The following WDR93 variants were observed in gnomAD, a reference collection of about 807,000 sequenced individuals.
The protein encoded by WDR93 is WD repeat domain 93.
Under a neutral mutation model 82.9 loss-of-function variants are expected in WDR93, and 73 were observed. That is an observed-to-expected ratio of 0.88 (90% CI 0.73 to 1.07). WDR93 has a LOEUF of 1.07. Ranked by LOEUF, WDR93 falls within the 50% of genes least tolerant of loss-of-function variation. The pLI, the probability that WDR93 is intolerant of heterozygous loss-of-function variation, is 0.00. For missense variants in WDR93, 738 were observed against 826.0 expected (o/e 0.89, Z 1.31); for synonymous variants, 283 against 300.1 (o/e 0.94, Z 0.59).
chr15:89,722,237 C>A, intron 8 of WDR93, 98 bp downstream of exon 8: 1 of 1,006,010 alleles, frequency 9.9e-7, no homozygotes, highest in Non-Finnish European at 1.4e-6. Context: ...GCAACGATAT[C>A]AAAATTACAA....
chr15:89,697,076 C>T (rs1965214333), intron 1 of WDR93, among the ~76,000 whole-genome samples: 1 of 152,124 alleles, frequency 6.6e-6, no homozygotes. Context: ...TCAAGCAATC[C>T]TCCTACCTCA....
In WDR93 at chr15:89,727,287, C is replaced by T. The variant is rs763528765; in HGVS notation, c.1011C>T (p.Tyr337=). 1.5e-5 allele frequency: 24 copies of T among 1,614,102 alleles called. No homozygotes were observed. The highest frequency in any genetic ancestry group is 1.9e-5 in the Non-Finnish European group (23 of 1,179,992). ...AAGCTGAGATCTTCAACGCTTCCTA[C>T]AAGAAGTACCTAGATAGGGAGTGGG... ...EQQAEIFNAS[Y]KKYLDREWEE... is the part of the protein sequence containing the mutation. Residue 337 remains tyrosine, a synonymous_variant, in exon 9 of 17, where the codon TAC becomes TAT. Coordinates refer to ENST00000268130, the MANE Select transcript of WDR93 (RefSeq NM_020212.2).
chr15:89,723,887 A>T (rs1286420950), intron 8 of WDR93, among the ~76,000 whole-genome samples: 1 of 152,200 alleles, frequency 6.6e-6, no homozygotes, highest in Non-Finnish European at 1.5e-5. Context: ...CAAAGCAGTA[A>T]AGCTTTTAGA....
chr15:89,740,367 T>C (rs957632996), intron 16 of WDR93, among the ~76,000 whole-genome samples: 1 of 152,148 alleles, frequency 6.6e-6, no homozygotes, highest in Non-Finnish European at 1.5e-5. Context: ...TGCCTATTCG[T>C]CAGGAGACGA....
intron 1 of WDR93, among the ~76,000 whole-genome samples, chr15:89,694,192 T>A (rs1567091602): frequency 6.6e-6 from 1 of 152,146 alleles, no homozygotes; most frequent in Non-Finnish European, 1.5e-5. Context: ...TATATCTTCT[T>A]TGGTTAAGTA....
At position 89,701,934 on chromosome 15, in the gene WDR93, T is replaced by C. The variant is rs1159906935; in HGVS notation, c.188T>C (p.Leu63Pro). The change falls in exon 2 of 17, where the codon CTG becomes CCG. Residue 63 changes from leucine (L) to proline (P), a missense_variant. By Grantham distance (98) the Leu-to-Pro change is moderately conservative. Coordinates refer to ENST00000268130, the MANE Select transcript of WDR93 (RefSeq NM_020212.2). ...CAGCCTTATCGAATGATCAACAAGC[T>C]GGTGAACCTTCTGTTTGACCAGTCT... ...LPQPYRMINKLVNLLFDQSWE... is the reference protein window; with the variant it reads ...LPQPYRMINKPVNLLFDQSWE... 5 of 1,614,164 alleles carry C rather than the reference T, an allele frequency of 3.1e-6. No homozygotes were observed. The highest frequency in any genetic ancestry group is 1.7e-4 in the Middle Eastern group (1 of 6,050).
chr15:89,723,214 A>G (rs1966598022), intron 8 of WDR93, among the ~76,000 whole-genome samples: 1 of 150,878 alleles, frequency 6.6e-6, no homozygotes, highest in Non-Finnish European at 1.5e-5. Flanking sequence ...ATAAATAAAT[A>G]AATAAATAAA....
intron 13 of WDR93, among the ~76,000 whole-genome samples, chr15:89,735,018 G>A (rs889897203): frequency 3.6e-5 from 5 of 138,194 alleles, no homozygotes; most frequent in Admixed American, 1.5e-4. Flanking sequence ...CTTTCCTTCC[G>A]TGCATCCTTC....
At chr15:89,712,963 A>G (rs1396512051) in intron 5 of WDR93, among the ~76,000 whole-genome samples, 2 of 152,120 alleles carry the variant, frequency 1.3e-5, no homozygotes, top group Non-Finnish European at 2.9e-5. Flanking sequence ...GTCTCTACTA[A>G]AAATACAACA....
intron 1 of WDR93, among the ~76,000 whole-genome samples, chr15:89,695,755 G>A (rs1965135267): frequency 7.1e-6 from 1 of 140,284 alleles, no homozygotes; most frequent in African/African-American, 2.7e-5. Context: ...ACAGCTTTAT[G>A]TTTTTCTTTC....
In WDR93 at chr15:89,735,263, C is replaced by A. The variant is rs149824009; in HGVS notation, c.1545-227C>A. Among the ~76,000 whole-genome samples, 5 of 152,256 alleles carry A rather than the reference C, an allele frequency of 3.3e-5. No individual in the cohort carries two copies. In the East Asian group the frequency reaches 9.6e-4, roughly 29 times the overall value. On this transcript the variant is annotated intron_variant, in intron 13 of 16. Coordinates refer to ENST00000268130, the MANE Select transcript of WDR93 (RefSeq NM_020212.2). The stretch of plus-strand genomic sequence containing the variant: ...CATGTTGATGCATGTAGCTCCAGTT[C>A]TTTTATTTTCATTACCATATTATAT...
At chr15:89,710,248 CAATAATA>C (rs1370319488) in intron 4 of WDR93, among the ~76,000 whole-genome samples, 2 of 152,078 alleles carry the variant, frequency 1.3e-5, no homozygotes, top group Non-Finnish European at 2.9e-5. Flanking sequence ...CACTAATCGG[CAATAATA>C]AATAATAAAC....
At chr15:89,724,773 T>G (rs1190844253) in intron 8 of WDR93, among the ~76,000 whole-genome samples, 1 of 152,168 alleles carries the variant, frequency 6.6e-6, no homozygotes, top group Non-Finnish European at 1.5e-5. Context: ...GCGTAACACA[T>G]TCACTAGGAT....
At chr15:89,696,476 T>TTGG (rs60440150) in intron 1 of WDR93, among the ~76,000 whole-genome samples, 104 of 151,430 alleles carry the variant, frequency 6.9e-4, no homozygotes, top group Non-Finnish European at 9.0e-4. Context: ...TGAACTTACA[T>TTGG]TGGTGGTGGT....
chr15:89,701,725 G>A lies in WDR93; in HGVS notation c.-22G>A, dbSNP rs1965473466. On this transcript the variant is annotated 5_prime_UTR_variant, in exon 2 of 17. Transcript: ENST00000268130. ...TTATCAGCTTTTCAGTTTCATAGAGGTTCCCAGTGCCACCTTCTGTGATGT... is the reference window on the plus strand; with the variant it reads ...TTATCAGCTTTTCAGTTTCATAGAGATTCCCAGTGCCACCTTCTGTGATGT... 4 of 1,598,320 alleles carry A rather than the reference G, an allele frequency of 2.5e-6. No individual in the cohort carries two copies. The highest frequency in any genetic ancestry group is 4.5e-5 in the East Asian group (2 of 44,492).
At chr15:89,735,449 T>C (rs762027504) in intron 13 of WDR93, 41 bp from the exon 14 acceptor site, 2 of 1,603,796 alleles carry the variant, frequency 1.2e-6, no homozygotes, top group Non-Finnish European at 1.7e-6. Context: ...ACTTTTAAAC[T>C]CTTAAAGTAG....
chr15:89,711,271 G>A (rs535023539), intron 4 of WDR93, among the ~76,000 whole-genome samples: 12 of 152,184 alleles, frequency 7.9e-5, no homozygotes, highest in African/African-American at 2.6e-4. Flanking sequence ...TTCACAATGC[G>A]AAAAATTCCA....
intron 1 of WDR93, among the ~76,000 whole-genome samples, chr15:89,691,650 G>A (rs1340329864): frequency 2.6e-5 from 4 of 152,200 alleles, no homozygotes; most frequent in Admixed American, 2.6e-4. Context: ...AACCCAGGAG[G>A]CGGAGGTGGC....
intron 14 of WDR93, among the ~76,000 whole-genome samples, chr15:89,736,708 G>C (rs1967203819): frequency 6.6e-6 from 1 of 152,066 alleles, no homozygotes; most frequent in South Asian, 2.1e-4. Context: ...GGAGGTGGGG[G>C]AGTGGACAGG....
Sources: allele counts gnomAD v4.1 joint callset (sites outside exome capture counted in the v4.1 genomes callset), GRCh38; gene constraint gnomAD v4.1.1; transcripts MANE v1.5; gene names NCBI Gene and HGNC (gene_info 2026-07-23, HGNC 2026-07-21).